Variants in ARSB observed in about 807,000 individuals in gnomAD.
The protein encoded by ARSB is arylsulfatase B, also known as N-acetylgalactosamine-4-sulfatase.
ARSB carries 41 observed loss-of-function variants against 50.9 expected under a neutral mutation model. That is an observed-to-expected ratio of 0.81 (90% CI 0.63 to 1.04). ARSB has a LOEUF of 1.04. Among genes scored for constraint, ARSB ranks in the 50% least tolerant of loss-of-function variants. The probability of loss-of-function intolerance (pLI) is 0.00; values close to 1 mark genes in which losing one functional copy is unlikely to be tolerated. For missense variants in ARSB, 672 were observed against 693.3 expected (o/e 0.97, Z 0.35); for synonymous variants, 269 against 284.8 (o/e 0.94, Z 0.56).
intron 6 of ARSB, among the ~76,000 whole-genome samples, chr5:78,807,106 T>G (rs2112653742): frequency 6.6e-6 from 1 of 152,280 alleles, no homozygotes; most frequent in South Asian, 2.1e-4. Context: ...AGGGGTGTTT[T>G]GGGAACACGA....
intron 4 of ARSB, among the ~76,000 whole-genome samples, chr5:78,908,646 C>T (rs1035274434): frequency 2.0e-5 from 3 of 151,926 alleles, no homozygotes; most frequent in South Asian, 2.1e-4. Context: ...ACCAGTCTCC[C>T]GGGAGCCAGT....
At chr5:78,939,803 G>C (rs1750815848) in intron 4 of ARSB, among the ~76,000 whole-genome samples, 1 of 152,100 alleles carries the variant, frequency 6.6e-6, no homozygotes, top group Non-Finnish European at 1.5e-5. Flanking sequence ...ACCCAGTAAT[G>C]GGATGGCTGG....
intron 4 of ARSB, among the ~76,000 whole-genome samples, chr5:78,905,910 CAAA>C (rs57651882): frequency 8.4e-4 from 79 of 94,400 alleles, no homozygotes; most frequent in African/African-American, 3.2e-3. Flanking sequence ...AGCAAAGTAG[CAAA>C]AAAAAAAAAA....
intron 4 of ARSB, among the ~76,000 whole-genome samples, chr5:78,937,068 T>C (rs1750638632): frequency 6.6e-6 from 1 of 151,968 alleles, no homozygotes. Flanking sequence ...CAACATAACA[T>C]AGCTCTTGCC....
At chr5:78,890,362 C>T (rs1038908075) in intron 4 of ARSB, among the ~76,000 whole-genome samples, 4 of 151,926 alleles carry the variant, frequency 2.6e-5, no homozygotes, top group Admixed American at 2.0e-4. Context: ...TCAATCCTCC[C>T]ACTTCAGCCT....
intron 5 of ARSB, among the ~76,000 whole-genome samples, chr5:78,858,745 A>C (rs139454054): frequency 5.3e-4 from 81 of 152,324 alleles, no homozygotes; most frequent in African/African-American, 1.8e-3. Context: ...TGACCAACAC[A>C]TCCACAGGGT....
chr5:78,806,708 C>T (rs988548724), intron 6 of ARSB, among the ~76,000 whole-genome samples: 2 of 152,250 alleles, frequency 1.3e-5, no homozygotes, highest in Non-Finnish European at 2.9e-5. Context: ...CCATCAGCTT[C>T]TCCTGGATTC....
In ARSB at chr5:78,947,510, G is replaced by A. The variant is rs145918404; in HGVS notation, c.898+7785C>T. Among the ~76,000 whole-genome samples the A allele has an allele frequency of 2.5e-3, 375 of 152,132 alleles. 1 individual carries two copies. Among genetic ancestry groups the A allele is most frequent in the African/African-American group, 8.6e-3 (359 of 41,510 alleles). On this transcript the variant is annotated intron_variant, in intron 4 of 7. Coordinates refer to ENST00000264914, the MANE Select transcript of ARSB (RefSeq NM_000046.5). ...ATTTCTTAAAAGAAGACATATAAAC[G>A]GCAAACAGGTATATGAAAAGGTGCT...
chr5:78,836,006 CA>C (rs1744940571), intron 6 of ARSB, among the ~76,000 whole-genome samples: 1 of 152,208 alleles, frequency 6.6e-6, no homozygotes, highest in Non-Finnish European at 1.5e-5. Context: ...TTTAACTCCA[CA>C]AAAGCCTCTG....
In ARSB at chr5:78,895,623, G is replaced by C. The variant is rs73769405; in HGVS notation, c.899-9796C>G. On this transcript the variant is annotated intron_variant, in intron 4 of 7. Transcript: ENST00000264914. ...AAGTTAGGCATATAGACTGAAAAGAGAGAAAATTATTACAGGCTAAGCAGT... is the reference window on the plus strand; with the variant it reads ...AAGTTAGGCATATAGACTGAAAAGACAGAAAATTATTACAGGCTAAGCAGT... 5.8e-3 allele frequency among the ~76,000 whole-genome samples: 879 copies of C among 152,318 alleles called. 11 individuals carry two copies. The highest frequency in any genetic ancestry group is 0.021 in the African/African-American group (858 of 41,562).
chr5:78,970,893 C>T (rs923312851), intron 1 of ARSB, among the ~76,000 whole-genome samples: 15 of 151,982 alleles, frequency 9.9e-5, no homozygotes, highest in Non-Finnish European at 2.2e-4. Context: ...CCTGGGAGGT[C>T]GAGGCTGCAG....
chr5:78,956,864 GGCTTTAGCTTTTT>G (rs1751750877), intron 3 of ARSB, among the ~76,000 whole-genome samples: 1 of 152,168 alleles, frequency 6.6e-6, no homozygotes, highest in Admixed American at 6.5e-5. Flanking sequence ...TACCAATAGA[GGCTTTAGCTTTTT>G]GCTTTAGCTG....
chr5:78,923,037 G>A (rs1280054094), intron 4 of ARSB, among the ~76,000 whole-genome samples: 1 of 152,140 alleles, frequency 6.6e-6, no homozygotes, highest in Non-Finnish European at 1.5e-5. Flanking sequence ...ATCTTTGCTT[G>A]GACCAAAGGC....
intron 5 of ARSB, among the ~76,000 whole-genome samples, chr5:78,868,881 A>T (rs1746958516): frequency 6.6e-6 from 1 of 151,500 alleles, no homozygotes; most frequent in Non-Finnish European, 1.5e-5. Context: ...TTGGATAAAG[A>T]GTCAAGACCC....
At chr5:78,985,368 G>T, upstream of ARSB, 1 of 1,044,600 alleles carries the variant, frequency 9.6e-7, no homozygotes, top group Non-Finnish European at 1.2e-6. Flanking sequence ...CCCCCAGCGG[G>T]CCGTGGGCTT....
intron 5 of ARSB, among the ~76,000 whole-genome samples, chr5:78,878,424 G>T (rs925631065): frequency 9.8e-5 from 15 of 152,306 alleles, no homozygotes; most frequent in Admixed American, 7.2e-4. Context: ...GGCTAAAACA[G>T]GGGGCCCCAA....
rs58773415 is a variant in ARSB at position 78,834,607 on chromosome 5, GTATATATATA to G, written c.1213+4739_1213+4748del. Among the ~76,000 whole-genome samples, 219 of 85,638 alleles carry G rather than the reference GTATATATATA, an allele frequency of 2.6e-3. 1 individual carries two copies. The highest frequency in any genetic ancestry group is 5.6e-3 in the African/African-American group (140 of 25,208). The allele number at this position is 85,638 out of a possible 152,430, so 56.2% of individuals were successfully genotyped here. A position where few individuals can be genotyped will look rare whatever the true frequency, so the allele number is the denominator to read the frequency against. The stretch of plus-strand genomic sequence containing the variant: ...ATACTATTTCATGGTATATATATGT[GTATATATATA>G]TATATATATATATATATATATATAT... On this transcript the variant is annotated intron_variant, in intron 6 of 7. Coordinates refer to ENST00000264914, the MANE Select transcript of ARSB (RefSeq NM_000046.5).
chr5:78,931,917 TTCTC>T (rs1580079253), intron 4 of ARSB, among the ~76,000 whole-genome samples: 1 of 152,006 alleles, frequency 6.6e-6, no homozygotes, highest in East Asian at 1.9e-4. Context: ...CCCCTTCACT[TTCTC>T]TCTCTCTCCT....
At chr5:78,958,556 T>A (rs767785241) in intron 3 of ARSB, among the ~76,000 whole-genome samples, 8 of 152,202 alleles carry the variant, frequency 5.3e-5, no homozygotes, top group Non-Finnish European at 1.0e-4. Flanking sequence ...AATTATTCCT[T>A]AGTAGCTAAA....
Sources: allele counts gnomAD v4.1 joint callset (sites outside exome capture counted in the v4.1 genomes callset), GRCh38; gene constraint gnomAD v4.1.1; transcripts MANE v1.5; gene names NCBI Gene and HGNC (gene_info 2026-07-23, HGNC 2026-07-21).